FAT3: variants seen among roughly 807,000 people sequenced by gnomAD.
FAT3 encodes FAT atypical cadherin 3.
FAT3 carries 95 observed loss-of-function variants against 310.2 expected under a neutral mutation model. The ratio of observed to expected loss-of-function variants is 0.31; its 90% confidence interval spans 0.26 to 0.36. The LOEUF (loss-of-function observed/expected upper bound fraction) is 0.36. Ranked by LOEUF, FAT3 falls within the 10% of genes least tolerant of loss-of-function variation. The probability of loss-of-function intolerance (pLI) is 1.00; values close to 1 mark genes in which losing one functional copy is unlikely to be tolerated. For synonymous variants in FAT3, 2,314 were observed against 2,192.9 expected (o/e 1.06, Z -1.54); for missense variants, 5,408 against 5,715.6 (o/e 0.95, Z 1.74).
intron 3 of FAT3, among the ~76,000 whole-genome samples, chr11:92,631,400 T>C (rs1488428127): frequency 6.6e-6 from 1 of 152,134 alleles, no homozygotes; most frequent in Non-Finnish European, 1.5e-5. Flanking sequence ...CATCTAGAAC[T>C]GTAATCCCCA....
chr11:92,340,439 C>G (rs1948219047), intron 1 of FAT3, among the ~76,000 whole-genome samples: 1 of 152,178 alleles, frequency 6.6e-6, no homozygotes, highest in East Asian at 1.9e-4. Context: ...TGCTGTGTCT[C>G]CACGGCCTTA....
At chr11:92,433,008 AC>A (rs2135035578) in intron 2 of FAT3, among the ~76,000 whole-genome samples, 1 of 152,240 alleles carries the variant, frequency 6.6e-6, no homozygotes, top group East Asian at 1.9e-4. Context: ...TCCAGTCTGA[AC>A]TTTGCAGCAG....
chr11:92,519,240 A>G (rs749819657), intron 2 of FAT3, among the ~76,000 whole-genome samples: 24 of 152,284 alleles, frequency 1.6e-4, no homozygotes, highest in Admixed American at 2.6e-4. Flanking sequence ...AAATAGACCC[A>G]TACATGTAGC....
intron 2 of FAT3, among the ~76,000 whole-genome samples, chr11:92,457,164 C>T (rs1591314833): frequency 6.6e-6 from 1 of 152,198 alleles, no homozygotes; most frequent in African/African-American, 2.4e-5. Flanking sequence ...TTTTCTGGAA[C>T]ACCAGTCCCC....
chr11:92,601,815 G>A (rs1399732322), intron 3 of FAT3, among the ~76,000 whole-genome samples: 2 of 152,016 alleles, frequency 1.3e-5, no homozygotes, highest in African/African-American at 2.4e-5. Flanking sequence ...AACATCATTC[G>A]TTCCAAGGCT....
chr11:92,428,494 T>C (rs1403958349), intron 2 of FAT3, among the ~76,000 whole-genome samples: 2 of 152,196 alleles, frequency 1.3e-5, no homozygotes, highest in Non-Finnish European at 2.9e-5. Context: ...ATCTTAGATC[T>C]TCTGCACTTT....
At chr11:92,696,960 A>G (rs1417179892) in intron 3 of FAT3, among the ~76,000 whole-genome samples, 1 of 152,236 alleles carries the variant, frequency 6.6e-6, no homozygotes, top group Admixed American at 6.5e-5. Flanking sequence ...ATGTGCATAT[A>G]AAAGTTAAGT....
At chr11:92,367,332 A>C in intron 2 of FAT3, 1 of 189,340 alleles carries the variant, frequency 5.3e-6, no homozygotes, top group East Asian at 1.3e-4. Flanking sequence ...ATGGTGGTGC[A>C]CACCTGTAAT....
chr11:92,315,479 G>GTATATA lies in FAT3; in HGVS notation c.-17-36588_-17-36583dup, dbSNP rs1168085335. ...TATGTGTGTGTGTGTGTGTGTGTGT[G>GTATATA]TATATATATATATATATATATATAT... On this transcript the variant is annotated intron_variant, in intron 1 of 27. Transcript: ENST00000525166. Among the ~76,000 whole-genome samples the GTATATA allele has an allele frequency of 3.3e-3, 214 of 65,104 alleles. 2 individuals are homozygous for GTATATA. The highest frequency in any genetic ancestry group is 9.1e-3 in the Middle Eastern group (1 of 110). 42.7% of individuals were successfully genotyped at this position (65,104 alleles called of 152,430 possible). A position where few individuals can be genotyped will look rare whatever the true frequency, so the allele number is the denominator to read the frequency against.
intron 10 of FAT3, 108 bp from the exon 11 acceptor site, chr11:92,805,045 A>T: frequency 9.7e-7 from 1 of 1,030,936 alleles, no homozygotes; most frequent in Non-Finnish European, 1.4e-6. Context: ...CCTAAATGAT[A>T]CAGTTTAAGG....
rs567303356 is a variant in FAT3, at chr11:92,727,800, A to G, written c.3669+30355A>G. 3.3e-5 allele frequency among the ~76,000 whole-genome samples: 5 copies of G among 152,154 alleles called. No individual in the cohort carries two copies. The South Asian group carries it at 1.0e-3, about 32-fold the overall frequency. ...TCCACTTTCCATGTGCTTCTCTCTC[A>G]CGGCTTACCTGCAGGCTCCAGTCTT... On this transcript the variant is annotated intron_variant, in intron 4 of 27. Transcript: ENST00000525166.
rs1565320069 is a variant in FAT3 at position 92,442,099 on chromosome 11, A to ATTTTTTT, written c.3293-82534_3293-82533insTTTTTTT. On this transcript the variant is annotated intron_variant, in intron 2 of 27. Transcript: ENST00000525166. ...ATATATTTTATATATATATATATAT[A>ATTTTTTT]TATATATATATATTTTTTTTTTTTT... Among the ~76,000 whole-genome samples, 4 of 42,632 alleles carry ATTTTTTT rather than the reference A, an allele frequency of 9.4e-5. 1 individual carries two copies. Among genetic ancestry groups the ATTTTTTT allele is most frequent in the African/African-American group, 2.7e-4 (2 of 7,354 alleles). 28.0% of individuals were successfully genotyped at this position (42,632 alleles called of 152,430 possible).
Position 92,675,066 on chromosome 11 carries a change from A to G in FAT3, c.3608-22318A>G, listed in dbSNP as rs191961390. On this transcript the variant is annotated intron_variant, in intron 3 of 27. Coordinates refer to ENST00000525166, the MANE Select transcript of FAT3 (RefSeq NM_001367949.2). ...AGAATGCTTGTTACCCTCATGATTT[A>G]AAAAGGTGCCCTGAGGATTCATTTC... Among the ~76,000 whole-genome samples the G allele has an allele frequency of 5.3e-4, 80 of 152,250 alleles. 1 individual carries two copies. The highest frequency in any genetic ancestry group is 1.8e-3 in the African/African-American group (73 of 41,552).
intron 3 of FAT3, among the ~76,000 whole-genome samples, chr11:92,563,041 A>C (rs1253198860): frequency 6.6e-6 from 1 of 152,220 alleles, no homozygotes; most frequent in African/African-American, 2.4e-5. Context: ...TGAATTGAAA[A>C]AAATTTTTTG....
At chr11:92,398,050 C>T (rs997845076) in intron 2 of FAT3, among the ~76,000 whole-genome samples, 3 of 152,076 alleles carry the variant, frequency 2.0e-5, no homozygotes, top group African/African-American at 7.2e-5. Context: ...GAGAGGGCCA[C>T]ACCCTCTCTG....
chr11:92,355,282 G>C lies in FAT3; in HGVS notation c.3170G>C (p.Arg1057Pro). ...GTTGGATCTGTAAAGGAAAACTCAC[G>C]CATTGGAACAAGCGTGCTGCAGGTG... ...AVVGSVKENS[R>P]IGTSVLQVTA... The change falls in exon 2 of 28, where the codon CGC becomes CCC. Residue 1057 changes from arginine to proline, a missense_variant. By Grantham distance (103) the Arg-to-Pro change is moderately radical (BLOSUM62 -2). Coordinates refer to ENST00000525166, the MANE Select transcript of FAT3 (RefSeq NM_001367949.2). 1 of 1,613,808 alleles carries C rather than the reference G, an allele frequency of 6.2e-7. No individual in the cohort carries two copies. Among genetic ancestry groups the C allele is most frequent in the African/African-American group, 1.3e-5 (1 of 75,014 alleles).
chr11:92,374,656 T>G (rs1427011553), intron 2 of FAT3, among the ~76,000 whole-genome samples: 1 of 152,238 alleles, frequency 6.6e-6, no homozygotes, highest in African/African-American at 2.4e-5. Flanking sequence ...AGTAGCCTGT[T>G]TAAAACTATT....
At position 92,843,328 on chromosome 11, in the gene FAT3, C is replaced by T. The variant is rs776401246; in HGVS notation, c.10567-606C>T. ...CTACTGAATACCTCCACCTTGCATGCGATGGGTGTTCAGTAAAGACCTGTT... is the reference window on the plus strand; with the variant it reads ...CTACTGAATACCTCCACCTTGCATGTGATGGGTGTTCAGTAAAGACCTGTT... On this transcript the variant is annotated intron_variant, in intron 18 of 27. Coordinates refer to ENST00000525166, the MANE Select transcript of FAT3 (RefSeq NM_001367949.2). 7.6e-4 allele frequency among the ~76,000 whole-genome samples: 116 copies of T among 152,284 alleles called. 1 individual carries two copies. Among genetic ancestry groups the T allele is most frequent in the South Asian group, 1.5e-3 (7 of 4,824 alleles).
At chr11:92,319,086 C>CAACAAT (rs1947541725) in intron 1 of FAT3, among the ~76,000 whole-genome samples, 1 of 152,134 alleles carries the variant, frequency 6.6e-6, no homozygotes, top group Non-Finnish European at 1.5e-5. Flanking sequence ...ACAACAACAA[C>CAACAAT]AACAATAACA....
Sources: gnomAD v4.1 joint callset for allele counts (sites outside exome capture counted in the v4.1 genomes callset) on GRCh38, gnomAD v4.1.1 for gene constraint, MANE v1.5 for transcripts, NCBI Gene and HGNC (gene_info 2026-07-23, HGNC 2026-07-21) for gene names.